The following TRPM6 variants were observed in gnomAD, a reference collection of about 807,000 sequenced individuals.
The protein encoded by TRPM6 is channel kinase 2.
Under a neutral mutation model 247.6 loss-of-function variants are expected in TRPM6, and 111 were observed. That is an observed-to-expected ratio of 0.45 (90% CI 0.38 to 0.52). The LOEUF is 0.52. Among genes scored for constraint, TRPM6 ranks in the 20% least tolerant of loss-of-function variants. The pLI, the probability that TRPM6 is intolerant of heterozygous loss-of-function variation, is 0.00. For missense variants in TRPM6, 2,126 were observed against 2,421.5 expected (o/e 0.88, Z 2.56); for synonymous variants, 892 against 853.8 (o/e 1.04, Z -0.78).
chr9:74,770,178 A>T (rs1460287500), intron 25 of TRPM6, among the ~76,000 whole-genome samples: 1 of 152,190 alleles, frequency 6.6e-6, no homozygotes, highest in Non-Finnish European at 1.5e-5. Flanking sequence ...TTATATAAAC[A>T]TGACTTATGC....
intron 17 of TRPM6, among the ~76,000 whole-genome samples, chr9:74,798,798 C>T (rs1247976298): frequency 9.2e-5 from 14 of 152,176 alleles, no homozygotes; most frequent in Admixed American, 9.2e-4. Flanking sequence ...GCTAACTCAG[C>T]CTTTTTTATT....
At chr9:74,849,250 C>T (rs1245915383) in intron 3 of TRPM6, among the ~76,000 whole-genome samples, 1 of 150,190 alleles carries the variant, frequency 6.7e-6, no homozygotes, top group Admixed American at 6.7e-5. Context: ...ACTCGGGAGG[C>T]TAACACAGGA....
chr9:74,885,529 A>G (rs1831505147), intron 1 of TRPM6, among the ~76,000 whole-genome samples: 1 of 152,240 alleles, frequency 6.6e-6, no homozygotes, highest in African/African-American at 2.4e-5. Context: ...AACAATGAGA[A>G]CGTAAAACTT....
At chr9:74,883,012 A>C (rs1257222349) in intron 1 of TRPM6, among the ~76,000 whole-genome samples, 2 of 152,170 alleles carry the variant, frequency 1.3e-5, no homozygotes, top group African/African-American at 2.4e-5. Flanking sequence ...CCATTAAACA[A>C]CTAAACATTT....
intron 3 of TRPM6, among the ~76,000 whole-genome samples, chr9:74,847,308 C>G (rs1292339634): frequency 6.6e-6 from 1 of 152,140 alleles, no homozygotes; most frequent in Non-Finnish European, 1.5e-5. Context: ...TCAATCAATT[C>G]TCCCACCTCA....
intron 25 of TRPM6, 136 bp downstream of exon 25, chr9:74,771,562 AATATT>A: frequency 1.3e-6 from 1 of 767,800 alleles, no homozygotes. Flanking sequence ...TGATTACATG[AATATT>A]ATATGTTGTT....
chr9:74,826,456 AG>A (rs2118044400), intron 7 of TRPM6, among the ~76,000 whole-genome samples: 1 of 152,264 alleles, frequency 6.6e-6, no homozygotes, highest in South Asian at 2.1e-4. Flanking sequence ...CTTTGTCCCA[AG>A]GAAGTATTTT....
chr9:74,884,064 G>A (rs539960866), intron 1 of TRPM6, among the ~76,000 whole-genome samples: 32 of 152,278 alleles, frequency 2.1e-4, no homozygotes, highest in African/African-American at 3.6e-4. Flanking sequence ...CAGGAGAATC[G>A]CTTGAACCTG....
At chr9:74,771,561 G>T in intron 25 of TRPM6, 142 bp downstream of exon 25, 1 of 764,548 alleles carries the variant, frequency 1.3e-6, no homozygotes, top group Non-Finnish European at 2.1e-6. Context: ...TTGATTACAT[G>T]AATATTATAT....
chr9:74,785,747 T>A lies in TRPM6; in HGVS notation c.2919+127A>T, dbSNP rs750231903. On this transcript the variant is annotated intron_variant, in intron 21 of 38. Coordinates refer to ENST00000360774, the MANE Select transcript of TRPM6 (RefSeq NM_017662.5). The stretch of plus-strand genomic sequence containing the variant: ...ACCCTGTTAGCCAGGATGTTCTTGA[T>A]CTCCTGACCTTGTGATCCGCCCGCC... The A allele has an allele frequency of 6.6e-4, 664 of 1,011,758 alleles. 1 individual carries two copies. Among genetic ancestry groups the A allele is most frequent in the Non-Finnish European group, 9.1e-4 (591 of 650,788 alleles). 62.7% of individuals were successfully genotyped at this position (1,011,758 alleles called of 1,614,324 possible). A position where few individuals can be genotyped will look rare whatever the true frequency, so the allele number is the denominator to read the frequency against.
intron 11 of TRPM6, 88 bp from the exon 12 acceptor site, chr9:74,812,521 C>A (rs530839867): frequency 6.3e-5 from 68 of 1,078,462 alleles, no homozygotes; most frequent in East Asian, 1.7e-4. Flanking sequence ...CAAAATTACA[C>A]AAACACAATA....
chr9:74,834,680 T>C (rs1261005952), intron 5 of TRPM6, among the ~76,000 whole-genome samples: 1 of 142,522 alleles, frequency 7.0e-6, no homozygotes, highest in Non-Finnish European at 1.5e-5. Context: ...CATTGTTCAA[T>C]TCCCACCTAT....
Position 74,800,490 on chromosome 9 carries a change from G to A in TRPM6, c.2010-8C>T, listed in dbSNP as rs763780297. ...GCCAGCTGGCCAAACTGTCTGCCAT[G>A]AGGGTGGCCAATTAAGAAAACAAAG... On this transcript the variant is annotated splice_polypyrimidine_tract_variant and splice_region_variant and intron_variant, in intron 16 of 38. Transcript: ENST00000360774. 5.0e-6 allele frequency: 8 copies of A among 1,609,502 alleles called. No individual in the cohort carries two copies. The African/African-American group carries it at 8.0e-5, about 16-fold the overall frequency.
intron 6 of TRPM6, among the ~76,000 whole-genome samples, chr9:74,833,204 C>CT (rs1829603250): frequency 6.6e-6 from 1 of 151,880 alleles, no homozygotes; most frequent in Non-Finnish European, 1.5e-5. Context: ...TTTTGCTGTC[C>CT]TTATACACAC....
chr9:74,817,400 A>C (rs1828974044), intron 9 of TRPM6, among the ~76,000 whole-genome samples: 1 of 152,284 alleles, frequency 6.6e-6, no homozygotes, highest in East Asian at 1.9e-4. Context: ...ATATTGCCCA[A>C]GCTGGTCTTG....
intron 2 of TRPM6, among the ~76,000 whole-genome samples, chr9:74,858,449 AC>A (rs1830595090): frequency 6.6e-6 from 1 of 152,216 alleles, no homozygotes; most frequent in Non-Finnish European, 1.5e-5. Context: ...TGTCACAGAC[AC>A]TGGAGTAAGA....
At chr9:74,802,237 T>A in intron 15 of TRPM6, 62 bp from the exon 16 acceptor site, 1 of 1,474,292 alleles carries the variant, frequency 6.8e-7, no homozygotes. Context: ...TTTTACCTAA[T>A]TCAACACAGC....
In TRPM6 at chr9:74,819,658, C is replaced by G. The variant is rs77913761; in HGVS notation, c.1134+646G>C. Among the ~76,000 whole-genome samples, 1,086 of 152,276 alleles carry G rather than the reference C, an allele frequency of 7.1e-3. 17 individuals carry two copies. Among genetic ancestry groups the G allele is most frequent in the African/African-American group, 0.025 (1,052 of 41,556 alleles). ...GTTTATTCTCACTTTTCCCATTGTC[C>G]AGTACATTCCCAATGATTTCCTGCA... On this transcript the variant is annotated intron_variant, in intron 9 of 38. Coordinates refer to ENST00000360774, the MANE Select transcript of TRPM6 (RefSeq NM_017662.5).
At chr9:74,788,547 T>C in intron 20 of TRPM6, 67 bp downstream of exon 20, 1 of 1,590,880 alleles carries the variant, frequency 6.3e-7, no homozygotes. Flanking sequence ...AGCCAAGGAG[T>C]CTTTCAGTGG....
Sources: allele counts gnomAD v4.1 joint callset (sites outside exome capture counted in the v4.1 genomes callset), GRCh38; gene constraint gnomAD v4.1.1; transcripts MANE v1.5; gene names NCBI Gene and HGNC (gene_info 2026-07-23, HGNC 2026-07-21).